ALK: variants seen among roughly 807,000 people sequenced by gnomAD.
The protein encoded by ALK is ALK receptor tyrosine kinase.
A neutral mutation model predicts 163.1 loss-of-function variants in ALK; 74 were observed. The observed-to-expected ratio is 0.45, with a 90% CI of 0.38 to 0.55. The LOEUF is 0.55. Ranked by LOEUF, ALK falls within the 20% of genes least tolerant of loss-of-function variation. The pLI is 0.00. For missense variants in ALK, 2,063 were observed against 2,105.3 expected (o/e 0.98, Z 0.39); for synonymous variants, 960 against 843.2 (o/e 1.14, Z -2.40).
chr2:29,920,972 G>C lies in ALK; in HGVS notation c.-313C>G, dbSNP rs72857540. 4.5e-3 allele frequency: 2,133 copies of C among 471,114 alleles called. 28 individuals are homozygous for C. Among genetic ancestry groups the C allele is most frequent in the African/African-American group, 0.038 (1,942 of 51,506 alleles). The allele number at this position is 471,114 out of a possible 1,614,324, so 29.2% of individuals were successfully genotyped here. On this transcript the variant is annotated 5_prime_UTR_variant, in exon 1 of 29. Coordinates refer to ENST00000389048, the MANE Select transcript of ALK (RefSeq NM_004304.5). ...CGCGCCCCCGTCTGTAGCTCGCTGC[G>C]CTCGGTACAGAGGAACTACTATGGT...
At chr2:29,258,457 AT>A (rs1311105400) in intron 11 of ALK, among the ~76,000 whole-genome samples, 7 of 152,360 alleles carry the variant, frequency 4.6e-5, no homozygotes, top group Admixed American at 4.6e-4. Flanking sequence ...TTATAAAAAG[AT>A]GTTCCCCCAA....
chr2:29,350,353 C>T (rs1179477763), intron 5 of ALK, among the ~76,000 whole-genome samples: 1 of 152,224 alleles, frequency 6.6e-6, no homozygotes, highest in African/African-American at 2.4e-5. Flanking sequence ...GGCCACCAGA[C>T]ATTTGTTGTG....
At chr2:29,612,001 G>A (rs995041552) in intron 3 of ALK, among the ~76,000 whole-genome samples, 7 of 152,058 alleles carry the variant, frequency 4.6e-5, no homozygotes, top group African/African-American at 1.4e-4. Flanking sequence ...CTTTCTCTAC[G>A]GTATCAATGC....
intron 12 of ALK, among the ~76,000 whole-genome samples, chr2:29,244,057 TC>T (rs369870701): frequency 1.2e-3 from 182 of 152,322 alleles, no homozygotes; most frequent in African/African-American, 4.2e-3. Context: ...GCCTGCCGGA[TC>T]CTGAAATGAG....
chr2:29,274,925 A>G (rs974080789), intron 11 of ALK, among the ~76,000 whole-genome samples, 174 bp downstream of exon 11: 3 of 152,184 alleles, frequency 2.0e-5, no homozygotes, highest in African/African-American at 7.2e-5. Flanking sequence ...CTCAGGCAAT[A>G]TGAGAACCAG....
chr2:29,335,886 A>G lies in ALK; in HGVS notation c.1283-7405T>C, dbSNP rs184712924. Among the ~76,000 whole-genome samples, 272 of 152,152 alleles carry G rather than the reference A, an allele frequency of 1.8e-3. 1 individual carries two copies. Among genetic ancestry groups the G allele is most frequent in the Non-Finnish European group, 2.6e-3 (180 of 67,996 alleles). On this transcript the variant is annotated intron_variant, in intron 5 of 28. Transcript: ENST00000389048. ...GAAACCCCATCTCTACTAAAAATAC[A>G]AAAATTAGCTGGGCGTGGTCATGGA...
At chr2:29,478,166 A>G (rs1671573264) in intron 4 of ALK, among the ~76,000 whole-genome samples, 2 of 152,364 alleles carry the variant, frequency 1.3e-5, no homozygotes, top group South Asian at 4.1e-4. Context: ...ATAATCACAC[A>G]TATGAACAGG....
intron 1 of ALK, among the ~76,000 whole-genome samples, chr2:29,720,935 C>T (rs541277744): frequency 6.6e-6 from 1 of 152,146 alleles, no homozygotes; most frequent in African/African-American, 2.4e-5. Flanking sequence ...TGAATGCAGA[C>T]CAACTGGCTC....
intron 1 of ALK, chr2:29,890,221 G>A (rs554233783): frequency 2.0e-5 from 3 of 152,238 alleles, no homozygotes; most frequent in South Asian, 2.1e-4. Flanking sequence ...AGAATGAAGG[G>A]GGCTATGTCT....
At chr2:29,589,924 C>G (rs1426740849) in intron 3 of ALK, among the ~76,000 whole-genome samples, 1 of 152,224 alleles carries the variant, frequency 6.6e-6, no homozygotes, top group African/African-American at 2.4e-5. Context: ...TCCCCTCTAG[C>G]ACGCTTGTCA....
chr2:29,592,826 G>A (rs1675099250), intron 3 of ALK, among the ~76,000 whole-genome samples: 1 of 152,172 alleles, frequency 6.6e-6, no homozygotes, highest in East Asian at 1.9e-4. Context: ...ATATGAGGAA[G>A]GAGCTTGGAG....
At chr2:29,400,068 T>C (rs915254186) in intron 4 of ALK, among the ~76,000 whole-genome samples, 2 of 152,226 alleles carry the variant, frequency 1.3e-5, no homozygotes, top group Non-Finnish European at 2.9e-5. Flanking sequence ...TTTGTGGGCA[T>C]GGGCTCGGTG....
chr2:29,336,787 G>A (rs1667627740), intron 5 of ALK, among the ~76,000 whole-genome samples: 1 of 152,194 alleles, frequency 6.6e-6, no homozygotes, highest in Non-Finnish European at 1.5e-5. Flanking sequence ...GGTGATTTAT[G>A]TGTCATTTTA....
chr2:29,642,974 T>G (rs376670078), intron 3 of ALK, among the ~76,000 whole-genome samples: 2 of 152,186 alleles, frequency 1.3e-5, no homozygotes, highest in African/African-American at 4.8e-5. Flanking sequence ...ACCTGCCTCT[T>G]TCCTCTGGGA....
intron 5 of ALK, 42 bp downstream of exon 5, chr2:29,383,690 C>A: frequency 6.2e-7 from 1 of 1,613,626 alleles, no homozygotes. Flanking sequence ...ACATCTAACA[C>A]AATAGGCTAC....
intron 3 of ALK, among the ~76,000 whole-genome samples, chr2:29,546,737 T>TAGC (rs1326356713): frequency 6.6e-6 from 1 of 152,230 alleles, no homozygotes; most frequent in Non-Finnish European, 1.5e-5. Context: ...TGCTAAGAGG[T>TAGC]AGCGGCTTTT....
chr2:29,644,884 G>A (rs1676827283), intron 3 of ALK, among the ~76,000 whole-genome samples: 1 of 152,064 alleles, frequency 6.6e-6, no homozygotes, highest in Non-Finnish European at 1.5e-5. Flanking sequence ...TGACTTGCTT[G>A]GTTCATTCCC....
intron 3 of ALK, among the ~76,000 whole-genome samples, chr2:29,670,460 G>A (rs1677646491): frequency 6.6e-6 from 1 of 151,916 alleles, no homozygotes; most frequent in Non-Finnish European, 1.5e-5. Flanking sequence ...CTTTGTTTCT[G>A]AACTTTGAGA....
intron 4 of ALK, among the ~76,000 whole-genome samples, chr2:29,477,782 T>C (rs1033563532): frequency 6.6e-6 from 1 of 152,126 alleles, no homozygotes; most frequent in African/African-American, 2.4e-5. Flanking sequence ...ACTTCAGATA[T>C]GGCTAAAAGA....
Sources: gnomAD v4.1 joint callset for allele counts (sites outside exome capture counted in the v4.1 genomes callset) on GRCh38, gnomAD v4.1.1 for gene constraint, MANE v1.5 for transcripts, NCBI Gene and HGNC (gene_info 2026-07-23, HGNC 2026-07-21) for gene names.